KIRREL1: variants seen among roughly 807,000 people sequenced by gnomAD.
KIRREL1 encodes the protein kin of IRRE-like protein 1.
A neutral mutation model predicts 83.3 loss-of-function variants in KIRREL1; 25 were observed. The ratio of observed to expected loss-of-function variants is 0.30; its 90% CI spans 0.22 to 0.42. The LOEUF (loss-of-function observed/expected upper bound fraction) is 0.42, where lower values mean the gene tolerates loss of function less well. Ranked by LOEUF, KIRREL1 falls within the 10% of genes least tolerant of loss-of-function variation. The pLI is 1.00. For missense variants in KIRREL1, 812 were observed against 1,032.3 expected (o/e 0.79, Z 2.92); for synonymous variants, 388 against 410.4 (o/e 0.95, Z 0.66).
chr1:158,076,143 C>G lies in KIRREL1; in HGVS notation c.83C>G (p.Ala28Gly). ...GTQTRFSQEP[A>G]DQTVVAGQRA... The stretch of plus-strand genomic sequence containing the variant: ...CAGACCCGCTTCAGCCAGGAGCCAG[C>G]TGACCAGACGGTGGTGGCTGGACAG... The change falls in exon 2 of 15, where the codon GCT (alanine) becomes GGT (glycine). Residue 28 changes from alanine to glycine, a missense_variant. This residue lies in a region of KIRREL1 where 472 missense variants were observed against 626.8 expected (regional missense o/e 0.75). Transcript: ENST00000359209. The G allele has an allele frequency of 6.2e-7, 1 of 1,614,174 alleles. No individual in the cohort carries two copies. The highest frequency in any genetic ancestry group is 8.5e-7 in the Non-Finnish European group (1 of 1,180,022).
chr1:158,026,500 G>C (rs1018641433), intron 1 of KIRREL1, among the ~76,000 whole-genome samples: 2 of 152,210 alleles, frequency 1.3e-5, no homozygotes, highest in African/African-American at 4.8e-5. Context: ...ATGTGGAAAA[G>C]TGGAAACAAC....
Position 158,003,068 on chromosome 1 carries a change from G to C in KIRREL1, c.52+9340G>C, listed in dbSNP as rs142312652. Among the ~76,000 whole-genome samples the C allele has an allele frequency of 3.3e-3, 504 of 152,212 alleles. 2 individuals are homozygous for C. The highest frequency in any genetic ancestry group is 0.011 in the African/African-American group (473 of 41,518). ...TAACTTTGTCCTTGTAATCAGCTTAGCTGAGTTTTTTTTATTATTATTATT... is the reference window on the plus strand; with the variant it reads ...TAACTTTGTCCTTGTAATCAGCTTACCTGAGTTTTTTTTATTATTATTATT... On this transcript the variant is annotated intron_variant, in intron 1 of 14. Coordinates refer to ENST00000359209, the MANE Select transcript of KIRREL1 (RefSeq NM_018240.7).
At chr1:158,022,830 C>T (rs753911787) in intron 1 of KIRREL1, among the ~76,000 whole-genome samples, 13 of 152,328 alleles carry the variant, frequency 8.5e-5, no homozygotes, top group South Asian at 2.1e-4. Flanking sequence ...AAAGTGCCAG[C>T]GCCCTAGCCT....
intron 3 of KIRREL1, 25 bp from the exon 4 acceptor site, chr1:158,084,397 G>A (rs1480283777): frequency 6.5e-7 from 1 of 1,542,328 alleles, no homozygotes; most frequent in Non-Finnish European, 8.8e-7. Context: ...ACCCTGCACT[G>A]ACTTTGCTCT....
chr1:158,036,553 A>G (rs1660481193), intron 1 of KIRREL1, among the ~76,000 whole-genome samples: 1 of 152,144 alleles, frequency 6.6e-6, no homozygotes, highest in South Asian at 2.1e-4. Context: ...TTTTGGCAGG[A>G]CCTTCAAGGA....
chr1:158,024,942 A>G (rs1660126791), intron 1 of KIRREL1, among the ~76,000 whole-genome samples: 1 of 152,158 alleles, frequency 6.6e-6, no homozygotes, highest in Admixed American at 6.5e-5. Flanking sequence ...CTCCCTTCCG[A>G]TTTCTTCAGC....
chr1:158,087,908 G>A (rs370620608), intron 6 of KIRREL1, 48 bp downstream of exon 6: 11 of 1,607,780 alleles, frequency 6.8e-6, no homozygotes, highest in South Asian at 3.3e-5. Context: ...ATAAGGAAGA[G>A]TTCGGGGTTA....
At chr1:157,995,588 A>G (rs1051155499) in intron 1 of KIRREL1, among the ~76,000 whole-genome samples, 2 of 152,188 alleles carry the variant, frequency 1.3e-5, no homozygotes, top group African/African-American at 2.4e-5. Context: ...CAGCCCTTAC[A>G]TGTCAGCATC....
chr1:158,013,555 G>A (rs1474062756), intron 1 of KIRREL1, among the ~76,000 whole-genome samples: 1 of 152,180 alleles, frequency 6.6e-6, no homozygotes, highest in Non-Finnish European at 1.5e-5. Flanking sequence ...GAGGACCTAG[G>A]GCATCGTAGA....
intron 1 of KIRREL1, among the ~76,000 whole-genome samples, chr1:158,008,396 G>T (rs796696043): frequency 3.3e-5 from 5 of 152,198 alleles, no homozygotes; most frequent in African/African-American, 4.8e-5. Flanking sequence ...TATCCCCGGA[G>T]CTCCCCTGGC....
chr1:158,080,402 C>T (rs1272954933), intron 3 of KIRREL1, among the ~76,000 whole-genome samples: 3 of 152,156 alleles, frequency 2.0e-5, no homozygotes, highest in Non-Finnish European at 4.4e-5. Context: ...AGGAGAATAT[C>T]AAGGGGAACC....
At chr1:158,033,025 C>A (rs554996903) in intron 1 of KIRREL1, among the ~76,000 whole-genome samples, 71 of 152,260 alleles carry the variant, frequency 4.7e-4, no homozygotes, top group African/African-American at 1.7e-3. Flanking sequence ...CCCGCCTCAG[C>A]CTCCCAAAGT....
chr1:158,076,366 C>G lies in KIRREL1; in HGVS notation c.202+104C>G, dbSNP rs545337814. 405 of 1,030,758 alleles carry G rather than the reference C, an allele frequency of 3.9e-4. 3 individuals are homozygous for G. The African/African-American group carries it at 5.8e-3, about 15-fold the overall frequency. The allele number at this position is 1,030,758 out of a possible 1,614,324, so 63.9% of individuals were successfully genotyped here. A position where few individuals can be genotyped will look rare whatever the true frequency, so the allele number is the denominator to read the frequency against. ...CACCATCCCTTAGTTCCCTCACCAC[C>G]CTCCTCTGTGCCACAGCCTCCCCTC... On this transcript the variant is annotated intron_variant, in intron 2 of 14. Coordinates refer to ENST00000359209, the MANE Select transcript of KIRREL1 (RefSeq NM_018240.7).
In KIRREL1 at chr1:157,994,671, C is replaced by G. The variant is rs865900654; in HGVS notation, c.52+943C>G. Among the ~76,000 whole-genome samples the G allele has an allele frequency of 2.0e-5, 3 of 152,024 alleles. No homozygotes were observed. The South Asian group carries it at 6.2e-4, about 31-fold the overall frequency. On this transcript the variant is annotated intron_variant, in intron 1 of 14. Transcript: ENST00000359209. ...CTCCCAGGTCTGACTCTAAGGAAGA[C>G]TGAATCCTGCTGAACTCCTTCCCTC... is the stretch of plus-strand genomic sequence containing the variant.
At chr1:158,049,209 T>C (rs536968127) in intron 1 of KIRREL1, among the ~76,000 whole-genome samples, 1 of 152,222 alleles carries the variant, frequency 6.6e-6, no homozygotes, top group Non-Finnish European at 1.5e-5. Flanking sequence ...TTGGTCAGTA[T>C]AAAAATGAAT....
intron 1 of KIRREL1, among the ~76,000 whole-genome samples, chr1:158,028,251 G>A (rs533996166): frequency 4.5e-4 from 69 of 152,338 alleles, no homozygotes; most frequent in Admixed American, 8.5e-4. Flanking sequence ...CTGCGCAGGG[G>A]CTGTTGGGCA....
In KIRREL1 at chr1:157,993,739, C is replaced by G; in HGVS notation, c.52+11C>G. ...ATACTTTCTCCCAAGGTAAGGGCCC[C>G]CAGCCCACCCCCGGACGCTCGGCTT... is the stretch of plus-strand genomic sequence containing the variant. On this transcript the variant is annotated intron_variant, in intron 1 of 14. Transcript: ENST00000359209. 6.7e-7 allele frequency: 1 copy of G among 1,484,364 alleles called. No homozygotes were observed. Among genetic ancestry groups the G allele is most frequent in the Non-Finnish European group, 9.0e-7 (1 of 1,113,194 alleles). The allele number at this position is 1,484,364 out of a possible 1,614,324, so 91.9% of individuals were successfully genotyped here.
At chr1:158,074,024 G>C (rs1661598087) in intron 1 of KIRREL1, among the ~76,000 whole-genome samples, 1 of 152,206 alleles carries the variant, frequency 6.6e-6, no homozygotes, top group South Asian at 2.1e-4. Context: ...AGAGTTTGCA[G>C]CATATAGCTG....
chr1:158,066,927 C>G (rs1480991308), intron 1 of KIRREL1, among the ~76,000 whole-genome samples: 1 of 152,214 alleles, frequency 6.6e-6, no homozygotes, highest in Non-Finnish European at 1.5e-5. Context: ...TCCATCAGCC[C>G]TACCACCCCC....
Sources: allele counts gnomAD v4.1 joint callset (sites outside exome capture counted in the v4.1 genomes callset), GRCh38; gene constraint gnomAD v4.1.1; regional missense constraint gnomAD v4.1.1; transcripts MANE v1.5; gene names NCBI Gene and HGNC (gene_info 2026-07-23, HGNC 2026-07-21).